Variants in OPN3 observed in about 807,000 individuals in gnomAD.
OPN3 encodes the protein opsin 3.
A neutral mutation model predicts 33.8 loss-of-function variants in OPN3; 29 were observed. The ratio of observed to expected loss-of-function variants is 0.86; its 90% CI spans 0.64 to 1.17. The LOEUF is 1.17. Among genes scored for constraint, OPN3 ranks in the 50% most tolerant of loss-of-function variants. OPN3 has a pLI of 0.00. For synonymous variants in OPN3, 216 were observed against 216.1 expected (o/e 1.00, Z 0.00); for missense variants, 437 against 514.1 (o/e 0.85, Z 1.45).
intron 1 of OPN3, among the ~76,000 whole-genome samples, chr1:241,622,307 T>C (rs1664287993): frequency 6.6e-6 from 1 of 152,248 alleles, no homozygotes; most frequent in African/African-American, 2.4e-5. Context: ...TATATTTATA[T>C]GCATTCATGA....
At chr1:241,600,242 T>C (rs545072742) in intron 2 of OPN3, 1 of 152,352 alleles carries the variant, frequency 6.6e-6, no homozygotes, top group Admixed American at 6.5e-5. Context: ...TGTTTTAGAT[T>C]ATTTGGGTTT....
chr1:241,635,787 G>A, intron 1 of OPN3: 1 of 1,591,654 alleles, frequency 6.3e-7, no homozygotes, highest in Non-Finnish European at 8.6e-7. Flanking sequence ...AACAGCGTCT[G>A]GTGACAACTG....
chr1:241,606,310 G>A (rs981477353), intron 1 of OPN3, among the ~76,000 whole-genome samples: 12 of 152,138 alleles, frequency 7.9e-5, no homozygotes, highest in African/African-American at 2.4e-4. Flanking sequence ...TTGAGAGGCC[G>A]AGGCGGGTGG....
intron 2 of OPN3, among the ~76,000 whole-genome samples, chr1:241,602,990 A>C (rs753050621): frequency 6.6e-6 from 1 of 152,224 alleles, no homozygotes; most frequent in Non-Finnish European, 1.5e-5. Flanking sequence ...GAGAAAAATA[A>C]AGTGATAGCT....
At chr1:241,638,342 G>A (rs1475248580) in intron 1 of OPN3, among the ~76,000 whole-genome samples, 6 of 152,064 alleles carry the variant, frequency 3.9e-5, no homozygotes, top group Non-Finnish European at 8.8e-5. Flanking sequence ...TGAGGAAGAG[G>A]GTGGATGACA....
At chr1:241,634,960 C>A in intron 1 of OPN3, 2 of 1,613,518 alleles carry the variant, frequency 1.2e-6, no homozygotes, top group Non-Finnish European at 1.7e-6. Flanking sequence ...CCTTTCCTTC[C>A]CGAAATGCAA....
chr1:241,624,178 C>A (rs1174124922), intron 1 of OPN3, among the ~76,000 whole-genome samples: 1 of 150,960 alleles, frequency 6.6e-6, no homozygotes, highest in Non-Finnish European at 1.5e-5. Context: ...TGTCCTGCCT[C>A]TCCACGCCAG....
At position 241,597,885 on chromosome 1, in the gene OPN3, A is replaced by G; in HGVS notation, c.806T>C (p.Met269Thr). The G allele has an allele frequency of 1.2e-6, 2 of 1,614,048 alleles. No homozygotes were observed. The highest frequency in any genetic ancestry group is 3.3e-5 in the Admixed American group (2 of 60,010). The change falls in exon 3 of 4, where the codon ATG becomes ACG. Residue 269 changes from methionine to threonine, a missense_variant. Transcript: ENST00000366554. Reference sequence around the variant, plus strand: ...CAAGAAGCAGATCACGATATAAGGCATCCAACAGACCAGGAAGGTGAATAT... The same window carrying G: ...CAAGAAGCAGATCACGATATAAGGCGTCCAACAGACCAGGAAGGTGAATAT... ...LMIFTFLVCW[M>T]PYIVICFLVV...
Position 241,640,332 on chromosome 1 carries a change from G to C in OPN3, c.-78C>G. 9.2e-7 allele frequency: 1 copy of C among 1,083,404 alleles called. No individual in the cohort carries two copies. Among genetic ancestry groups the C allele is most frequent in the African/African-American group, 1.7e-5 (1 of 59,422 alleles). The allele number at this position is 1,083,404 out of a possible 1,614,324, so 67.1% of individuals were successfully genotyped here. On this transcript the variant is annotated 5_prime_UTR_variant, in exon 1 of 4. Transcript: ENST00000366554. ...TCGCGGCGCGCTCCGCACTGGGTGG[G>C]GTTGGGGCTCCGCCGCCTGCTCTAG... is the stretch of plus-strand genomic sequence containing the variant.
intron 1 of OPN3, among the ~76,000 whole-genome samples, chr1:241,628,609 C>T (rs150906621): frequency 1.2e-3 from 178 of 152,220 alleles, no homozygotes; most frequent in African/African-American, 4.3e-3. Flanking sequence ...ATGACGTCTT[C>T]ATGCTGATGT....
At chr1:241,611,125 A>C (rs1663979873) in intron 1 of OPN3, among the ~76,000 whole-genome samples, 1 of 152,180 alleles carries the variant, frequency 6.6e-6, no homozygotes, top group Admixed American at 6.5e-5. Context: ...TTAAATATTA[A>C]TACAAGGTGT....
intron 1 of OPN3, among the ~76,000 whole-genome samples, chr1:241,609,446 A>T (rs781370426): frequency 1.2e-4 from 18 of 152,286 alleles, no homozygotes; most frequent in Non-Finnish European, 2.1e-4. Context: ...CACAAATTCT[A>T]CCAGTGGTAA....
chr1:241,614,935 T>C (rs896651914), intron 1 of OPN3, among the ~76,000 whole-genome samples: 5 of 152,202 alleles, frequency 3.3e-5, no homozygotes, highest in Non-Finnish European at 7.3e-5. Context: ...CCACAAACCA[T>C]AACCAAGGAA....
chr1:241,631,200 T>G (rs1664621763), intron 1 of OPN3: 1 of 152,158 alleles, frequency 6.6e-6, no homozygotes, highest in Non-Finnish European at 1.5e-5. Flanking sequence ...CCACTTATTT[T>G]GTATTAAGAA....
intron 1 of OPN3, among the ~76,000 whole-genome samples, chr1:241,626,968 CTT>C (rs1178046921): frequency 1.3e-5 from 2 of 152,198 alleles, no homozygotes; most frequent in Non-Finnish European, 2.9e-5. Flanking sequence ...TCCTGCTACA[CTT>C]TGTCAACCCT....
At chr1:241,638,094 C>A (rs186606764) in intron 1 of OPN3, among the ~76,000 whole-genome samples, 1 of 152,154 alleles carries the variant, frequency 6.6e-6, no homozygotes, top group Middle Eastern at 3.2e-3. Flanking sequence ...ACTTGCCCCC[C>A]AGGGCTTAAG....
chr1:241,603,267 C>T lies in OPN3; in HGVS notation c.693+993G>A, dbSNP rs1024977403. 2.6e-5 allele frequency among the ~76,000 whole-genome samples: 4 copies of T among 152,056 alleles called. No individual in the cohort carries two copies. The East Asian group carries it at 7.7e-4, about 29-fold the overall frequency. On this transcript the variant is annotated intron_variant, in intron 2 of 3. Transcript: ENST00000366554. ...AAAGAGAGGTAAGGAGTCAAAGGAA[C>T]CCTTGATAATGGCTTTGTTTGGTCC...
intron 1 of OPN3, chr1:241,634,482 T>C (rs753456268): frequency 4.3e-6 from 7 of 1,613,850 alleles, no homozygotes; most frequent in Non-Finnish European, 5.9e-6. Flanking sequence ...TTAGCATTTA[T>C]TCTTTGACCA....
At chr1:241,622,742 A>G (rs931966577) in intron 1 of OPN3, among the ~76,000 whole-genome samples, 6 of 152,240 alleles carry the variant, frequency 3.9e-5, no homozygotes, top group African/African-American at 1.4e-4. Context: ...CTTGGCTTCT[A>G]TAACACTTCT....
Sources: gnomAD v4.1 joint callset for allele counts (sites outside exome capture counted in the v4.1 genomes callset) on GRCh38, gnomAD v4.1.1 for gene constraint, MANE v1.5 for transcripts, NCBI Gene and HGNC (gene_info 2026-07-23, HGNC 2026-07-21) for gene names.